Variants in CSGALNACT1 observed in about 807,000 individuals in gnomAD.
CSGALNACT1 encodes chondroitin sulfate N-acetylgalactosaminyltransferase 1, also known as beta4GalNAcT-1.
A neutral mutation model predicts 51.0 loss-of-function variants in CSGALNACT1; 52 were observed. The ratio of observed to expected loss-of-function variants is 1.02; its 90% CI spans 0.82 to 1.29. CSGALNACT1 has a LOEUF of 1.29. Among genes scored for constraint, CSGALNACT1 ranks in the 50% most tolerant of loss-of-function variants. The probability of loss-of-function intolerance (pLI) is 0.00; values close to 1 mark genes in which losing one functional copy is unlikely to be tolerated. For synonymous variants in CSGALNACT1, 341 were observed against 254.4 expected (o/e 1.34, Z -3.24); for missense variants, 935 against 679.2 (o/e 1.38, Z -4.19).
At chr8:19,633,907 C>T (rs1225090974) in intron 1 of CSGALNACT1, among the ~76,000 whole-genome samples, 3 of 152,128 alleles carry the variant, frequency 2.0e-5, no homozygotes, top group Non-Finnish European at 4.4e-5. Flanking sequence ...TGGGGCCCAA[C>T]CTTGCTGCAC....
intron 1 of CSGALNACT1, among the ~76,000 whole-genome samples, chr8:19,631,728 T>A (rs1589152128): frequency 6.6e-6 from 1 of 152,236 alleles, no homozygotes. Context: ...ATAAAAATTG[T>A]ATTCTGTTGA....
chr8:19,545,946 T>A (rs1315844568), intron 3 of CSGALNACT1, among the ~76,000 whole-genome samples: 1 of 151,250 alleles, frequency 6.6e-6, no homozygotes, highest in Non-Finnish European at 1.5e-5. Context: ...AAAAATAAAA[T>A]AAAGCTCACA....
intron 2 of CSGALNACT1, among the ~76,000 whole-genome samples, chr8:19,598,870 A>T (rs1196443841): frequency 6.6e-6 from 1 of 152,098 alleles, no homozygotes; most frequent in Non-Finnish European, 1.5e-5. Context: ...CCCTTTATTC[A>T]CTTTTCCATT....
At chr8:19,480,186 T>C (rs1434967778) in intron 4 of CSGALNACT1, among the ~76,000 whole-genome samples, 9 of 152,214 alleles carry the variant, frequency 5.9e-5, no homozygotes, top group Non-Finnish European at 1.2e-4. Flanking sequence ...GCCCCAGGAA[T>C]TTATTGTACA....
chr8:19,415,087 C>T (rs1042320967), intron 8 of CSGALNACT1, among the ~76,000 whole-genome samples: 2 of 152,094 alleles, frequency 1.3e-5, no homozygotes, highest in African/African-American at 4.8e-5. Flanking sequence ...AATCTCTTGC[C>T]TCTGTACTGA....
At chr8:19,451,707 C>G (rs983155258) in intron 5 of CSGALNACT1, among the ~76,000 whole-genome samples, 2 of 152,132 alleles carry the variant, frequency 1.3e-5, no homozygotes, top group Admixed American at 6.5e-5. Context: ...GGCTCCACAT[C>G]TCTTCCTTCT....
chr8:19,408,500 AG>A, intron 9 of CSGALNACT1, 112 bp downstream of exon 8: 2 of 214,338 alleles, frequency 9.3e-6, no homozygotes, highest in Non-Finnish European at 8.2e-6. Flanking sequence ...TTTTTTTTGA[AG>A]GCAATGGTAC....
chr8:19,471,011 G>A (rs921897451), intron 4 of CSGALNACT1, among the ~76,000 whole-genome samples: 9 of 151,972 alleles, frequency 5.9e-5, no homozygotes, highest in Non-Finnish European at 8.8e-5. Flanking sequence ...CACGAGAGTC[G>A]CTTGAACCTG....
chr8:19,600,153 G>A (rs1252259506), intron 2 of CSGALNACT1, among the ~76,000 whole-genome samples: 1 of 152,024 alleles, frequency 6.6e-6, no homozygotes, highest in Non-Finnish European at 1.5e-5. Flanking sequence ...CGTCATCTTG[G>A]CTCACTGCAA....
intron 4 of CSGALNACT1, among the ~76,000 whole-genome samples, chr8:19,475,591 G>A (rs955604695): frequency 1.3e-5 from 2 of 152,062 alleles, no homozygotes; most frequent in African/African-American, 4.8e-5. Context: ...ACCCTCCACT[G>A]ATCACCAAGG....
At chr8:19,476,568 C>G (rs569197991) in intron 4 of CSGALNACT1, among the ~76,000 whole-genome samples, 1 of 152,102 alleles carries the variant, frequency 6.6e-6, no homozygotes, top group East Asian at 1.9e-4. Context: ...TCAAATCAGT[C>G]ATGACGCCCA....
At chr8:19,483,394 A>T (rs2071984312) in intron 4 of CSGALNACT1, among the ~76,000 whole-genome samples, 1 of 152,106 alleles carries the variant, frequency 6.6e-6, no homozygotes, top group Admixed American at 6.5e-5. Flanking sequence ...ACATGCCCTG[A>T]CCCCAAACTC....
chr8:19,691,191 G>A (rs970151340), intron 1 of CSGALNACT1, among the ~76,000 whole-genome samples: 13 of 152,212 alleles, frequency 8.5e-5, no homozygotes, highest in Admixed American at 7.2e-4. Flanking sequence ...AAAACAGATA[G>A]GTCTGAGTGT....
At chr8:19,635,656 G>T (rs904523480) in intron 1 of CSGALNACT1, among the ~76,000 whole-genome samples, 1 of 152,136 alleles carries the variant, frequency 6.6e-6, no homozygotes, top group Non-Finnish European at 1.5e-5. Flanking sequence ...ATAAAGGAGG[G>T]ATGGGCAGAG....
intron 3 of CSGALNACT1, among the ~76,000 whole-genome samples, chr8:19,579,739 A>C (rs1349389731): frequency 6.6e-6 from 1 of 152,262 alleles, no homozygotes; most frequent in African/African-American, 2.4e-5. Context: ...ACCTAAAAAC[A>C]GTTATGGTAT....
At chr8:19,506,193 C>A (rs771229620) in intron 3 of CSGALNACT1, 63 bp from the exon 3 acceptor site, 1 of 472,704 alleles carries the variant, frequency 2.1e-6, no homozygotes, top group Non-Finnish European at 4.1e-6. Flanking sequence ...ATGTTCCCTA[C>A]GGCAATCAAT....
chr8:19,600,355 T>C (rs927234448), intron 2 of CSGALNACT1, among the ~76,000 whole-genome samples: 5 of 152,138 alleles, frequency 3.3e-5, no homozygotes, highest in Non-Finnish European at 7.4e-5. Context: ...GCTGGGATTA[T>C]AGGAGTGAGC....
At chr8:19,673,766 AAC>A (rs1283547035) in intron 1 of CSGALNACT1, among the ~76,000 whole-genome samples, 1 of 152,170 alleles carries the variant, frequency 6.6e-6, no homozygotes. Context: ...GTTCTTTTGA[AAC>A]AGAGTTTTAA....
intron 3 of CSGALNACT1, among the ~76,000 whole-genome samples, chr8:19,530,198 G>A (rs934561305): frequency 6.6e-6 from 1 of 151,520 alleles, no homozygotes; most frequent in Non-Finnish European, 1.5e-5. Context: ...TCCAGCCTGG[G>A]CAACAGAGCG....
Sources: gnomAD v4.1 joint callset for allele counts (sites outside exome capture counted in the v4.1 genomes callset) on GRCh38, gnomAD v4.1.1 for gene constraint, MANE v1.5 for transcripts, NCBI Gene and HGNC (gene_info 2026-07-23, HGNC 2026-07-21) for gene names.